Variants in GRAMD1A observed in about 807,000 individuals in gnomAD.
GRAMD1A encodes the protein GRAM domain containing 1A, also known as protein Aster-A.
GRAMD1A carries 50 observed loss-of-function variants against 92.0 expected under a neutral mutation model. The observed-to-expected ratio is 0.54, with a 90% confidence interval of 0.43 to 0.69. GRAMD1A has a LOEUF of 0.69. GRAMD1A is among the 30% of genes least tolerant of loss of function. The pLI is 0.00. For missense variants in GRAMD1A, 819 were observed against 978.9 expected (o/e 0.84, Z 2.18); for synonymous variants, 405 against 403.6 (o/e 1.00, Z -0.04).
rs368086389 is a variant in GRAMD1A at position 35,013,125 on chromosome 19, G to A, written c.607-131G>A. The A allele has an allele frequency of 6.5e-6, 4 of 614,724 alleles. No homozygotes were observed. The highest frequency in any genetic ancestry group is 1.2e-5 in the Non-Finnish European group (4 of 338,506). The allele number at this position is 614,724 out of a possible 1,614,324, so 38.1% of individuals were successfully genotyped here. On this transcript the variant is annotated intron_variant, in intron 7 of 19. Transcript: ENST00000317991. The surrounding 1 kb of genome is among the most constrained non-coding windows in gnomAD (Gnocchi z 4.9). ...TCCCCGCTTGCTGAGGCCAGGTCTGGTGCGGGAGATCGTGGCTGCCTCCTT... is the reference window on the plus strand; with the variant it reads ...TCCCCGCTTGCTGAGGCCAGGTCTGATGCGGGAGATCGTGGCTGCCTCCTT...
intron 11 of GRAMD1A, 84 bp downstream of exon 11, chr19:35,016,051 A>C: frequency 2.1e-6 from 3 of 1,440,536 alleles, no homozygotes; most frequent in Non-Finnish European, 2.8e-6. Context: ...AGGGGAAGGC[A>C]CTGCTAGCCA....
At chr19:35,015,114 T>C (rs2015531606) in intron 10 of GRAMD1A, 1 of 153,054 alleles carries the variant, frequency 6.5e-6, no homozygotes, top group African/African-American at 2.4e-5. Context: ...GAGGCTGCAG[T>C]GAGCTATGAT....
chr19:34,995,570 G>GTTTTTTTTTTTTTTTTTTTTT (rs1173583059), upstream of GRAMD1A, among the ~76,000 whole-genome samples: 4 of 80,956 alleles, frequency 4.9e-5, 1 homozygote, highest in Non-Finnish European at 4.9e-5. Flanking sequence ...TCAGATCACG[G>GTTTTTTTTTTTTTTTTTTTTT]GTTTTTTTTT....
chr19:34,998,372 T>G (rs1053556042), upstream of GRAMD1A: 69 of 141,798 alleles, frequency 4.9e-4, no homozygotes, highest in Admixed American at 1.4e-3. Flanking sequence ...GGTGCGATCC[T>G]GGCTCACTGC....
rs1568322249 is a variant in GRAMD1A, at chr19:35,009,306, CG to C, written c.198del (p.Asn67ThrfsTer16). The C allele has an allele frequency of 6.2e-7, 1 of 1,613,978 alleles. No individual in the cohort carries two copies. The highest frequency in any genetic ancestry group is 8.5e-7 in the Non-Finnish European group (1 of 1,179,894). On this transcript the variant is annotated frameshift_variant, in exon 2 of 20. Coordinates refer to ENST00000317991, the MANE Select transcript of GRAMD1A (RefSeq NM_020895.5). LOFTEE classifies it high-confidence loss of function. ...GTPSTQSLGSRNFIRNSKKMQ... is the reference protein window; with the variant it reads ...GTPSTQSLGSXNFIRNSKKMQ... Reference sequence around the variant, plus strand: ...CCCCAGCACCCAGAGCCTAGGCAGCCGGAACTTCATCCGCAACAGCAAGGTT... The same window carrying C: ...CCCCAGCACCCAGAGCCTAGGCAGCCGAACTTCATCCGCAACAGCAAGGTT...
In GRAMD1A at chr19:35,007,699, T is replaced by G. The variant is rs550907195; in HGVS notation, c.9-1420T>G. On this transcript the variant is annotated intron_variant, in intron 1 of 19. Coordinates refer to ENST00000317991, the MANE Select transcript of GRAMD1A (RefSeq NM_020895.5). ...CTGGGCAACATAGCTAGACCCCATC[T>G]GTACAAAAATTTTTTAAAAATAAAA... Among the ~76,000 whole-genome samples the G allele has an allele frequency of 1.8e-3, 278 of 152,024 alleles. 1 individual carries two copies. Among genetic ancestry groups the G allele is most frequent in the Non-Finnish European group, 3.3e-3 (222 of 68,012 alleles).
chr19:35,018,457 T>C (rs1031811395), intron 11 of GRAMD1A, among the ~76,000 whole-genome samples: 1 of 151,962 alleles, frequency 6.6e-6, no homozygotes, highest in African/African-American at 2.4e-5. Flanking sequence ...TCCAAACACC[T>C]CTCACCAGGC....
chr19:35,015,724 C>T (rs527447313), intron 10 of GRAMD1A, 100 bp from the exon 11 acceptor site: 140 of 1,158,696 alleles, frequency 1.2e-4, no homozygotes, highest in Middle Eastern at 2.3e-4. Flanking sequence ...AGGTGGGGTC[C>T]GCCCATGCAC....
Position 35,019,175 on chromosome 19 carries a change from C to T in GRAMD1A, c.1214-16C>T, listed in dbSNP as rs763066720. The T allele has an allele frequency of 1.1e-5, 17 of 1,551,482 alleles. No homozygotes were observed. Among genetic ancestry groups the T allele is most frequent in the African/African-American group, 1.4e-5 (1 of 73,428 alleles). On this transcript the variant is annotated splice_polypyrimidine_tract_variant and intron_variant, in intron 11 of 19. Coordinates refer to ENST00000317991, the MANE Select transcript of GRAMD1A (RefSeq NM_020895.5). ...ACTGGGGTGTGGCCTCCTCATGCTG[C>T]TCCTCCCTCCTCTAGACGTGACGCT...
Position 35,013,555 on chromosome 19 carries a change from T to C in GRAMD1A, c.734T>C (p.Val245Ala), listed in dbSNP as rs761916127. 1 of 1,606,680 alleles carries C rather than the reference T, an allele frequency of 6.2e-7. No individual in the cohort carries two copies. Among genetic ancestry groups the C allele is most frequent in the Admixed American group, 1.7e-5 (1 of 59,542 alleles). Reference sequence around the variant, plus strand: ...CTTTCCCACAGGACCCCCAAGGAAGTGGGAGATGTGATCGCCCTGAGCGAC... The same window carrying C: ...CTTTCCCACAGGACCCCCAAGGAAGCGGGAGATGTGATCGCCCTGAGCGAC... The part of the protein sequence containing the change: ...QLNGLGTPKE[V>A]GDVIALSDIT... Residue 245 changes from valine to alanine, a missense_variant, in exon 9 of 20, where the codon GTG (valine) becomes GCG (alanine). By Grantham distance (64) the Val-to-Ala change is moderately conservative. This residue lies in a region of GRAMD1A where 577 missense variants were observed against 674.6 expected (regional missense o/e 0.86). Transcript: ENST00000317991. This position sits in a 1 kb window ranked among gnomAD's most constrained non-coding sequence, Gnocchi z 4.9.
Position 35,013,270 on chromosome 19 carries a change from C to T in GRAMD1A, c.621C>T (p.Arg207=), listed in dbSNP as rs763243444. ...CGCCTCCCCAGACGCTGAGTCCCCG[C>T]GAGCTCTGGCACCTGGTGCATCAGT... ...NALLEKTLSP[R]ELWHLVHQCY... The change falls in exon 8 of 20, where the codon CGC becomes CGT. Residue 207 remains arginine, a synonymous_variant. Coordinates refer to ENST00000317991, the MANE Select transcript of GRAMD1A (RefSeq NM_020895.5). The surrounding 1 kb of genome is among the most constrained non-coding windows in gnomAD (Gnocchi z 4.9). 9 of 1,543,220 alleles carry T rather than the reference C, an allele frequency of 5.8e-6. No individual in the cohort carries two copies. Among genetic ancestry groups the T allele is most frequent in the East Asian group, 4.9e-5 (2 of 40,800 alleles).
At chr19:35,000,116 A>G (rs1446236213), upstream of GRAMD1A, 9 of 993,088 alleles carry the variant, frequency 9.1e-6, no homozygotes, top group Non-Finnish European at 7.2e-6. This position sits in a 1 kb window ranked among gnomAD's most constrained non-coding sequence, Gnocchi z 4.9. Flanking sequence ...TGGTTTTAAT[A>G]AAGTCTCTTT....
rs768168419 is a variant in GRAMD1A at position 35,013,470 on chromosome 19, G to A, written c.720-71G>A. On this transcript the variant is annotated intron_variant, in intron 8 of 19. Transcript: ENST00000317991. The surrounding 1 kb of genome is among the most constrained non-coding windows in gnomAD (Gnocchi z 4.9). ...GGGGGGCCTGAGATGGTTGTATGAC[G>A]TCTGGAGGATTCAGGAGGGTGTATG... 202 of 1,549,822 alleles carry A rather than the reference G, an allele frequency of 1.3e-4. No homozygotes were observed. Among genetic ancestry groups the A allele is most frequent in the Middle Eastern group, 1.0e-3 (6 of 5,886 alleles).
Position 35,009,156 on chromosome 19 carries a change from T to C in GRAMD1A, c.46T>C (p.Ser16Pro), listed in dbSNP as rs1374980355. 1 of 1,613,732 alleles carries C rather than the reference T, an allele frequency of 6.2e-7. No homozygotes were observed. Among genetic ancestry groups the C allele is most frequent in the Non-Finnish European group, 8.5e-7 (1 of 1,179,834 alleles). Residue 16 changes from serine to proline, a missense_variant, in exon 2 of 20, where the codon TCC (serine) becomes CCC (proline). Transcript: ENST00000317991. ...PHSGRSTPSS[S>P]PSLRKRLQLL... ...CTCTGGCCGGAGCACGCCAAGCAGCTCCCCATCGCTCCGGAAACGGCTGCA... is the reference window on the plus strand; with the variant it reads ...CTCTGGCCGGAGCACGCCAAGCAGCCCCCCATCGCTCCGGAAACGGCTGCA...
At chr19:35,018,527 A>G (rs553614061) in intron 11 of GRAMD1A, among the ~76,000 whole-genome samples, 8 of 152,308 alleles carry the variant, frequency 5.3e-5, no homozygotes, top group African/African-American at 1.7e-4. Context: ...ACAAATATCC[A>G]AACTATACCA....
rs1449635707 is a variant in GRAMD1A at position 35,009,843 on chromosome 19, G to A, written c.241-45G>A. On this transcript the variant is annotated intron_variant, in intron 3 of 19. Coordinates refer to ENST00000317991, the MANE Select transcript of GRAMD1A (RefSeq NM_020895.5). Reference sequence around the variant, plus strand: ...CAGGAGCTTTGTGGGGCAGCATTGGGAGTGTGAACCCCCATCCAGGTTCTC... The same window carrying A: ...CAGGAGCTTTGTGGGGCAGCATTGGAAGTGTGAACCCCCATCCAGGTTCTC... 3 of 1,126,270 alleles carry A rather than the reference G, an allele frequency of 2.7e-6. No individual in the cohort carries two copies. In the East Asian group the frequency reaches 7.0e-5, roughly 26 times the overall value. The allele number at this position is 1,126,270 out of a possible 1,614,324, so 69.8% of individuals were successfully genotyped here.
intron 1 of GRAMD1A, among the ~76,000 whole-genome samples, chr19:34,995,176 C>G (rs1450579444): frequency 3.3e-5 from 5 of 152,254 alleles, no homozygotes; most frequent in Admixed American, 3.3e-4. Context: ...GTCTGTCCGG[C>G]TAGCCGTTAC....
upstream of GRAMD1A, chr19:34,996,055 G>A (rs2014022435): frequency 1.3e-6 from 2 of 1,535,528 alleles, no homozygotes; most frequent in Non-Finnish European, 1.7e-6. Context: ...TGCCTTGGGA[G>A]ACCCTGTTGG....
In GRAMD1A at chr19:35,009,111, G is replaced by T. The variant is rs1218559747; in HGVS notation, c.9-8G>T. 6.3e-7 allele frequency: 1 copy of T among 1,597,664 alleles called. No homozygotes were observed. Among genetic ancestry groups the T allele is most frequent in the Admixed American group, 1.7e-5 (1 of 59,706 alleles). ...AGTTAACACTTCTCTTCCTCTTCCT[G>T]CCCCCAGCACCACACCCCACTCTGG... On this transcript the variant is annotated splice_polypyrimidine_tract_variant and splice_region_variant and intron_variant, in intron 1 of 19. Transcript: ENST00000317991.
Sources: gnomAD v4.1 joint callset for allele counts (sites outside exome capture counted in the v4.1 genomes callset) on GRCh38, gnomAD v4.1.1 for gene constraint, gnomAD v4.1.1 regional missense constraint, Gnocchi (gnomAD v3.1) non-coding constraint, MANE v1.5 for transcripts, NCBI Gene and HGNC (gene_info 2026-07-23, HGNC 2026-07-21) for gene names.